The following DAAM1 variants were observed in gnomAD, a reference collection of about 807,000 sequenced individuals.
The protein encoded by DAAM1 is dishevelled associated activator of morphogenesis 1.
In DAAM1, 52 loss-of-function variants were observed where a neutral mutation model predicts 130.0. That is an observed-to-expected ratio of 0.40 (90% CI 0.32 to 0.50). DAAM1 has a LOEUF of 0.50. DAAM1 is among the 20% of genes least tolerant of loss of function. The probability of loss-of-function intolerance (pLI) is 0.61; values close to 1 mark genes in which losing one functional copy is unlikely to be tolerated. For missense variants in DAAM1, 1,134 were observed against 1,303.8 expected (o/e 0.87, Z 2.01); for synonymous variants, 452 against 444.5 (o/e 1.02, Z -0.21).
intron 3 of DAAM1, among the ~76,000 whole-genome samples, chr14:59,300,705 T>C (rs185649346): frequency 5.9e-5 from 9 of 152,364 alleles, no homozygotes; most frequent in African/African-American, 2.2e-4. Flanking sequence ...CAAAGGTGAC[T>C]GCTCTTCTGA....
intron 3 of DAAM1, among the ~76,000 whole-genome samples, chr14:59,291,716 A>G (rs1453375706): frequency 6.6e-6 from 1 of 152,132 alleles, no homozygotes; most frequent in Non-Finnish European, 1.5e-5. Flanking sequence ...CCATGCACCA[A>G]GGTGACTCTC....
At chr14:59,335,280 T>G (rs1464318949) in intron 15 of DAAM1, among the ~76,000 whole-genome samples, 1 of 152,198 alleles carries the variant, frequency 6.6e-6, no homozygotes, top group Non-Finnish European at 1.5e-5. Context: ...TTATGTAAGC[T>G]TATGTGCCAC....
intron 1 of DAAM1, among the ~76,000 whole-genome samples, chr14:59,260,978 A>G (rs1882134133): frequency 6.6e-6 from 1 of 152,218 alleles, no homozygotes; most frequent in African/African-American, 2.4e-5. Flanking sequence ...GAAGTAGGAA[A>G]GACAGAAAAG....
intron 1 of DAAM1, among the ~76,000 whole-genome samples, chr14:59,225,644 A>G (rs1020907729): frequency 9.2e-5 from 14 of 152,120 alleles, no homozygotes; most frequent in African/African-American, 3.4e-4. Flanking sequence ...TGGATTTGTC[A>G]GGGTGGTGCA....
intron 22 of DAAM1, among the ~76,000 whole-genome samples, chr14:59,361,964 G>C (rs1566509430): frequency 7.2e-6 from 1 of 139,442 alleles, no homozygotes; most frequent in Non-Finnish European, 1.6e-5. Context: ...AAAAATTAAA[G>C]TCACAATGTC....
intron 1 of DAAM1, among the ~76,000 whole-genome samples, chr14:59,205,846 A>C (rs1888239795): frequency 6.6e-6 from 1 of 152,208 alleles, no homozygotes; most frequent in African/African-American, 2.4e-5. Context: ...AGAATACAGT[A>C]GGTTAGAAGA....
chr14:59,283,639 T>C (rs531997402), intron 2 of DAAM1, among the ~76,000 whole-genome samples: 4 of 152,170 alleles, frequency 2.6e-5, no homozygotes, highest in Non-Finnish European at 5.9e-5. Flanking sequence ...GCTTAGTTGA[T>C]TTGCCAATCC....
chr14:59,364,021 G>A (rs1445377221), intron 23 of DAAM1, among the ~76,000 whole-genome samples: 1 of 152,166 alleles, frequency 6.6e-6, no homozygotes, highest in Non-Finnish European at 1.5e-5. Flanking sequence ...GGCCTATGTT[G>A]CCTTTAGGTT....
chr14:59,197,767 A>G (rs1887948204), intron 1 of DAAM1, among the ~76,000 whole-genome samples: 1 of 151,650 alleles, frequency 6.6e-6, no homozygotes, highest in South Asian at 2.1e-4. Context: ...TACTCCCTGC[A>G]TTGCAGTTTG....
intron 1 of DAAM1, among the ~76,000 whole-genome samples, chr14:59,214,341 C>T (rs951983940): frequency 5.3e-5 from 8 of 152,230 alleles, no homozygotes; most frequent in Non-Finnish European, 1.0e-4. Flanking sequence ...AGGTGCAAGG[C>T]AGGCCTGGCT....
rs1330508990 is a variant in DAAM1, at chr14:59,326,579, A to G, written c.1244A>G (p.Gln415Arg). The part of the protein sequence containing the change: ...LDRIIQQIVI[Q>R]NDKGQDPDST... ...AGAATTATACAGCAGATAGTTATCC[A>G]GAATGACAAAGGACAGGACCCTGAC... The change falls in exon 11 of 25, where the codon CAG becomes CGG. Residue 415 changes from glutamine to arginine, a missense_variant. Physicochemically the swap from Gln to Arg is conservative, Grantham distance 43. Coordinates refer to ENST00000360909, the MANE Select transcript of DAAM1 (RefSeq NM_001270520.2). 1 of 1,613,940 alleles carries G rather than the reference A, an allele frequency of 6.2e-7. No individual in the cohort carries two copies. The highest frequency in any genetic ancestry group is 8.5e-7 in the Non-Finnish European group (1 of 1,179,974).
At chr14:59,354,062 ATTTTTT>A in intron 19 of DAAM1, 98 bp downstream of exon 19, 1 of 884,016 alleles carries the variant, frequency 1.1e-6, no homozygotes. Flanking sequence ...CCCCTTGGTG[ATTTTTT>A]TTTTTTTTTT....
chr14:59,251,269 TAGA>T (rs1352930750), intron 1 of DAAM1, among the ~76,000 whole-genome samples: 4 of 152,336 alleles, frequency 2.6e-5, no homozygotes, highest in Admixed American at 2.6e-4. Context: ...ATATGCAATC[TAGA>T]AAGTGTAAGA....
At chr14:59,216,206 C>T (rs544334339) in intron 1 of DAAM1, among the ~76,000 whole-genome samples, 72 of 152,310 alleles carry the variant, frequency 4.7e-4, no homozygotes, top group African/African-American at 1.7e-3. Flanking sequence ...GGAGAGGACC[C>T]TGCATTCTGA....
chr14:59,339,036 AT>A (rs1373458785), intron 15 of DAAM1, among the ~76,000 whole-genome samples: 1 of 152,242 alleles, frequency 6.6e-6, no homozygotes, highest in Non-Finnish European at 1.5e-5. Context: ...TGTAGAACTG[AT>A]AATGTTAGAT....
At chr14:59,354,064 T>C in intron 19 of DAAM1, 100 bp downstream of exon 19, 1 of 248,998 alleles carries the variant, frequency 4.0e-6, no homozygotes, top group Admixed American at 1.7e-4. Flanking sequence ...CCTTGGTGAT[T>C]TTTTTTTTTT....
intron 1 of DAAM1, among the ~76,000 whole-genome samples, chr14:59,238,308 C>CA (rs1205125195): frequency 1.3e-5 from 2 of 151,850 alleles, no homozygotes; most frequent in East Asian, 1.9e-4. Context: ...TCCCTCTTTT[C>CA]AAAAAAAACG....
intron 1 of DAAM1, among the ~76,000 whole-genome samples, chr14:59,209,665 G>T (rs1482312683): frequency 6.6e-6 from 1 of 152,180 alleles, no homozygotes; most frequent in East Asian, 1.9e-4. Flanking sequence ...GTGTTTTTGA[G>T]CATGTTTAAG....
At chr14:59,202,009 A>T (rs1020374212) in intron 1 of DAAM1, among the ~76,000 whole-genome samples, 2 of 152,362 alleles carry the variant, frequency 1.3e-5, no homozygotes, top group Middle Eastern at 3.4e-3. Flanking sequence ...GAATCAATTT[A>T]CATTTTAATC....
Sources: gnomAD v4.1 joint callset for allele counts (sites outside exome capture counted in the v4.1 genomes callset) on GRCh38, gnomAD v4.1.1 for gene constraint, MANE v1.5 for transcripts, NCBI Gene and HGNC (gene_info 2026-07-23, HGNC 2026-07-21) for gene names.